Variants in GSAP observed in about 807,000 individuals in gnomAD.
GSAP encodes gamma-secretase activating protein.
GSAP carries 118 observed loss-of-function variants against 131.7 expected under a neutral mutation model. The observed-to-expected ratio is 0.90, with a 90% CI of 0.77 to 1.04. The LOEUF (loss-of-function observed/expected upper bound fraction) is 1.04, where lower values mean the gene tolerates loss of function less well. Among genes scored for constraint, GSAP ranks in the 50% least tolerant of loss-of-function variants. The pLI is 0.00. For missense variants in GSAP, 1,019 were observed against 1,013.2 expected (o/e 1.01, Z -0.08); for synonymous variants, 381 against 363.4 (o/e 1.05, Z -0.55).
At position 77,391,142 on chromosome 7, in the gene GSAP, A is replaced by AAAAAAG. The variant is rs1197208806; in HGVS notation, c.368-3700_368-3695dup. Among the ~76,000 whole-genome samples the AAAAAAG allele has an allele frequency of 1.2e-3, 173 of 139,478 alleles. 1 individual carries two copies. The highest frequency in any genetic ancestry group is 1.8e-3 in the South Asian group (8 of 4,474). The allele number at this position is 139,478 out of a possible 152,430, so 91.5% of individuals were successfully genotyped here. A position where few individuals can be genotyped will look rare whatever the true frequency, so the allele number is the denominator to read the frequency against. On this transcript the variant is annotated intron_variant, in intron 5 of 30. Transcript: ENST00000257626. ...CTCCGTCTCAAAAAAAAAAAAAAAA[A>AAAAAAG]AAAAAGAAAAAGAAAAAGAATAACC...
Position 77,390,790 on chromosome 7 carries a change from C to CA in GSAP, c.368-3343dup, listed in dbSNP as rs111751294. Among the ~76,000 whole-genome samples the CA allele has an allele frequency of 5.8e-3, 840 of 145,310 alleles. 5 individuals are homozygous for CA. The highest frequency in any genetic ancestry group is 0.031 in the Middle Eastern group (9 of 288). On this transcript the variant is annotated intron_variant, in intron 5 of 30. Transcript: ENST00000257626. Reference sequence around the variant, plus strand: ...AAAATAAAAAAATACAAATCAATTACAAAAAAAAAATAGCTGGGCATGGTG... The same window carrying CA: ...AAAATAAAAAAATACAAATCAATTACAAAAAAAAAAATAGCTGGGCATGGTG...
intron 1 of GSAP, among the ~76,000 whole-genome samples, chr7:77,406,618 T>C (rs1410773699): frequency 1.3e-5 from 2 of 152,244 alleles, no homozygotes; most frequent in Non-Finnish European, 2.9e-5. Flanking sequence ...GTCAAGCTTT[T>C]AATCACTTAC....
chr7:77,382,534 A>G, intron 7 of GSAP, 40 bp downstream of exon 7: 2 of 1,011,384 alleles, frequency 2.0e-6, no homozygotes, highest in Non-Finnish European at 1.6e-6. Context: ...ACGATATGCC[A>G]TTCATGAAAT....
rs758302470 is a variant in GSAP, at chr7:77,375,106, CA to C, written c.742-6del. On this transcript the variant is annotated splice_polypyrimidine_tract_variant and splice_region_variant and intron_variant, in intron 10 of 30. Transcript: ENST00000257626. ...TATGTCCAAGGGTACTTCAAACTGTCAAAAAAATCAAAGAAAATGAACCCAA... is the reference window on the plus strand; with the variant it reads ...TATGTCCAAGGGTACTTCAAACTGTCAAAAAATCAAAGAAAATGAACCCAA... The C allele has an allele frequency of 1.7e-5, 27 of 1,543,214 alleles. No individual in the cohort carries two copies. The highest frequency in any genetic ancestry group is 2.3e-5 in the South Asian group (2 of 86,152).
chr7:77,329,609 A>T (rs1788788826), intron 20 of GSAP: 1 of 322,568 alleles, frequency 3.1e-6, no homozygotes, highest in African/African-American at 2.2e-5. Flanking sequence ...TATACTACAC[A>T]CAACAACACT....
At chr7:77,402,220 T>C (rs994989045) in intron 3 of GSAP, among the ~76,000 whole-genome samples, 7 of 151,266 alleles carry the variant, frequency 4.6e-5, no homozygotes, top group Admixed American at 1.3e-4. Context: ...TCTTTCCTCA[T>C]GGTGGCACCT....
intron 14 of GSAP, 30 bp downstream of exon 14, chr7:77,360,794 A>G (rs1420856311): frequency 1.7e-6 from 2 of 1,166,956 alleles, no homozygotes; most frequent in South Asian, 1.2e-5. Context: ...AAGTGTTCAG[A>G]GCAGGGGGTG....
intron 3 of GSAP, among the ~76,000 whole-genome samples, chr7:77,401,143 A>AAG (rs1731979700): frequency 6.6e-6 from 1 of 152,152 alleles, no homozygotes. Context: ...ATAAAAAGAA[A>AAG]AGAGAAACAG....
At chr7:77,379,881 T>C in intron 8 of GSAP, 10 of 984,354 alleles carry the variant, frequency 1.0e-5, no homozygotes, top group Non-Finnish European at 1.2e-5. Context: ...GGCTTCTTGA[T>C]TTGAGGCTTT....
chr7:77,371,428 TTTC>T (rs1301038570), intron 12 of GSAP, among the ~76,000 whole-genome samples: 31 of 43,600 alleles, frequency 7.1e-4, no homozygotes, highest in Admixed American at 1.4e-3. Flanking sequence ...CTCCATCTTT[TTTC>T]TTTTTTTTTT....
At chr7:77,321,622 T>C (rs1438310551) in intron 24 of GSAP, among the ~76,000 whole-genome samples, 1 of 152,194 alleles carries the variant, frequency 6.6e-6, no homozygotes, top group Non-Finnish European at 1.5e-5. Context: ...CCTCTGTTTG[T>C]GTGGGCAGTG....
chr7:77,311,510 T>G (rs1458244271), intron 30 of GSAP, 61 bp from the exon 31 acceptor site: 3 of 830,532 alleles, frequency 3.6e-6, no homozygotes, highest in Middle Eastern at 4.5e-4. Context: ...GAAACATTTA[T>G]AACTTTGTGC....
chr7:77,341,627 G>T (rs1291637099), intron 19 of GSAP, among the ~76,000 whole-genome samples: 1 of 152,100 alleles, frequency 6.6e-6, no homozygotes, highest in Non-Finnish European at 1.5e-5. Context: ...GGCCCATTTG[G>T]CAACAACCCT....
intron 5 of GSAP, among the ~76,000 whole-genome samples, chr7:77,393,835 G>A (rs557738066): frequency 3.3e-5 from 5 of 151,928 alleles, no homozygotes; most frequent in African/African-American, 9.7e-5. Context: ...CACCACACCC[G>A]GCTAATTTTT....
Position 77,390,946 on chromosome 7 carries a change from T to TTAAAAAAAA in GSAP, c.368-3499_368-3498insTTTTTTTTA, listed in dbSNP as rs71531149. Among the ~76,000 whole-genome samples, 9 of 37,944 alleles carry TTAAAAAAAA rather than the reference T, an allele frequency of 2.4e-4. 1 individual carries two copies. The highest frequency in any genetic ancestry group is 2.1e-3 in the East Asian group (2 of 956). 24.9% of individuals were successfully genotyped at this position (37,944 alleles called of 152,430 possible). A position where few individuals can be genotyped will look rare whatever the true frequency, so the allele number is the denominator to read the frequency against. ...CCTGGTGACAGAGCGAGACTCCGTC[T>TTAAAAAAAA]AAAAAAAAAAAAAAAAAAAAAAAAA... On this transcript the variant is annotated intron_variant, in intron 5 of 30. Coordinates refer to ENST00000257626, the MANE Select transcript of GSAP (RefSeq NM_017439.4).
intron 23 of GSAP, among the ~76,000 whole-genome samples, chr7:77,325,277 T>C (rs1439526156): frequency 3.9e-5 from 6 of 152,184 alleles, no homozygotes; most frequent in African/African-American, 7.2e-5. Flanking sequence ...AACCTTACCA[T>C]AGAAATTCAA....
intron 19 of GSAP, chr7:77,330,570 TCTC>T (rs1411236588): frequency 6.5e-6 from 7 of 1,078,500 alleles, no homozygotes; most frequent in South Asian, 3.7e-5. Flanking sequence ...TCATTTTCTG[TCTC>T]TTTTTTTTTT....
At chr7:77,388,048 C>T (rs931889028) in intron 5 of GSAP, among the ~76,000 whole-genome samples, 5 of 152,132 alleles carry the variant, frequency 3.3e-5, no homozygotes, top group African/African-American at 1.2e-4. Flanking sequence ...AATATGCTAA[C>T]TATTGTATTA....
At chr7:77,399,600 G>A (rs780183449) in intron 3 of GSAP, among the ~76,000 whole-genome samples, 4 of 151,714 alleles carry the variant, frequency 2.6e-5, no homozygotes, top group Non-Finnish European at 4.4e-5. Flanking sequence ...TATTGGGACC[G>A]TGCTTATGCT....
Sources: allele counts gnomAD v4.1 joint callset (sites outside exome capture counted in the v4.1 genomes callset), GRCh38; gene constraint gnomAD v4.1.1; transcripts MANE v1.5; gene names NCBI Gene and HGNC (gene_info 2026-07-23, HGNC 2026-07-21).